CDK14: variants seen among roughly 807,000 people sequenced by gnomAD.
The protein encoded by CDK14 is cyclin-dependent kinase 14.
Under a neutral mutation model 60.7 loss-of-function variants are expected in CDK14, and 34 were observed. That is an observed-to-expected ratio of 0.56 (90% CI 0.43 to 0.75). The LOEUF is 0.75. CDK14 is among the 30% of genes least tolerant of loss of function. The probability of loss-of-function intolerance (pLI) is 0.00; values close to 1 mark genes in which losing one functional copy is unlikely to be tolerated. For synonymous variants in CDK14, 197 were observed against 203.7 expected (o/e 0.97, Z 0.28); for missense variants, 482 against 564.1 (o/e 0.85, Z 1.47).
chr7:90,649,256 C>G (rs17866088), intron 2 of CDK14, among the ~76,000 whole-genome samples: 5,976 of 45,622 alleles, frequency 0.13, 357 homozygotes, highest in South Asian at 0.19. Context: ...TTCTTTCTTT[C>G]TTTCTTTCTT....
chr7:91,143,487 C>T (rs1344652496), intron 14 of CDK14, among the ~76,000 whole-genome samples: 1 of 151,862 alleles, frequency 6.6e-6, no homozygotes, highest in Non-Finnish European at 1.5e-5. Flanking sequence ...TTTGGGAGGC[C>T]GAGGAGGGAG....
chr7:91,070,907 CAT>C (rs1168605834), intron 11 of CDK14, among the ~76,000 whole-genome samples: 2 of 151,276 alleles, frequency 1.3e-5, no homozygotes, highest in Non-Finnish European at 2.9e-5. Context: ...ATGATACTGA[CAT>C]AAATAGATAA....
At chr7:90,677,269 A>G (rs1801221237) in intron 2 of CDK14, among the ~76,000 whole-genome samples, 1 of 152,132 alleles carries the variant, frequency 6.6e-6, no homozygotes, top group South Asian at 2.1e-4. Flanking sequence ...CTGAAATACA[A>G]TTTTCTGACA....
chr7:91,038,795 A>G (rs959679422), intron 10 of CDK14, among the ~76,000 whole-genome samples: 3 of 151,750 alleles, frequency 2.0e-5, no homozygotes, highest in Non-Finnish European at 4.4e-5. Context: ...ATGACATCTG[A>G]TGGTTTAAAA....
In CDK14 at chr7:91,049,054, T is replaced by TA. The variant is rs397804822; in HGVS notation, c.1105+3096dup. Among the ~76,000 whole-genome samples, 323 of 151,130 alleles carry TA rather than the reference T, an allele frequency of 2.1e-3. 2 individuals carry two copies. The highest frequency in any genetic ancestry group is 3.5e-3 in the African/African-American group (142 of 41,100). On this transcript the variant is annotated intron_variant, in intron 11 of 14. Transcript: ENST00000380050. Reference sequence around the variant, plus strand: ...CACTATGTCTGGCTATTTTTTTTTTTAATATTTTGTAGAGATAGGGGTCTT... The same window carrying TA: ...CACTATGTCTGGCTATTTTTTTTTTTAAATATTTTGTAGAGATAGGGGTCTT...
At chr7:90,703,290 C>T (rs989781975) in intron 2 of CDK14, among the ~76,000 whole-genome samples, 1 of 152,138 alleles carries the variant, frequency 6.6e-6, no homozygotes, top group Non-Finnish European at 1.5e-5. Flanking sequence ...ACATTTGGAA[C>T]TCTGTGATAC....
chr7:90,787,062 A>C (rs1168211884), intron 4 of CDK14, among the ~76,000 whole-genome samples: 1 of 152,192 alleles, frequency 6.6e-6, no homozygotes, highest in Non-Finnish European at 1.5e-5. Flanking sequence ...ACCAGGCTTT[A>C]GAACTGAGAG....
chr7:90,626,377 G>A (rs1360154556), intron 2 of CDK14, among the ~76,000 whole-genome samples: 1 of 152,048 alleles, frequency 6.6e-6, no homozygotes, highest in Non-Finnish European at 1.5e-5. Context: ...ATTTCTGAAA[G>A]GGCTCTCTTA....
At chr7:91,069,069 C>G (rs1291725941) in intron 11 of CDK14, among the ~76,000 whole-genome samples, 2 of 152,118 alleles carry the variant, frequency 1.3e-5, no homozygotes, top group East Asian at 1.9e-4. Context: ...AGTAGTTGCT[C>G]AATACATAGT....
At chr7:90,848,309 T>G (rs1790535130) in intron 5 of CDK14, among the ~76,000 whole-genome samples, 1 of 152,108 alleles carries the variant, frequency 6.6e-6, no homozygotes, top group Non-Finnish European at 1.5e-5. Context: ...TTGGCCAGGC[T>G]TACCTCAAGT....
chr7:90,605,183 G>A (rs1799392042), intron 2 of CDK14, among the ~76,000 whole-genome samples: 1 of 152,204 alleles, frequency 6.6e-6, no homozygotes, highest in African/African-American at 2.4e-5. Flanking sequence ...CTCATGGAAA[G>A]TCCCCTTGGC....
At chr7:90,995,494 G>C (rs748830257) in intron 10 of CDK14, among the ~76,000 whole-genome samples, 5 of 152,056 alleles carry the variant, frequency 3.3e-5, no homozygotes, top group Non-Finnish European at 7.4e-5. Context: ...AAAGCCACTG[G>C]GTTTTGTAGT....
intron 4 of CDK14, among the ~76,000 whole-genome samples, chr7:90,779,420 T>A (rs1805212452): frequency 6.6e-6 from 1 of 152,226 alleles, no homozygotes; most frequent in South Asian, 2.1e-4. Context: ...GCTCAACTAT[T>A]TTTTAAATTT....
intron 10 of CDK14, among the ~76,000 whole-genome samples, chr7:91,009,156 T>A (rs1009468206): frequency 3.3e-5 from 5 of 152,210 alleles, no homozygotes; most frequent in Admixed American, 6.5e-5. Flanking sequence ...TTAGTGAGCA[T>A]AACTATTTTG....
At chr7:90,917,803 G>C in intron 8 of CDK14, 79 bp downstream of exon 8, 1 of 1,407,064 alleles carries the variant, frequency 7.1e-7, no homozygotes, top group Non-Finnish European at 9.7e-7. Context: ...CATTTGTTTA[G>C]GTGCACTTCT....
At chr7:90,933,270 A>G (rs1793651494) in intron 8 of CDK14, among the ~76,000 whole-genome samples, 1 of 145,024 alleles carries the variant, frequency 6.9e-6, no homozygotes. Context: ...ACAGAGTGAA[A>G]CCCTGTCTCA....
chr7:90,711,828 T>C (rs1802070467), intron 2 of CDK14, among the ~76,000 whole-genome samples: 1 of 151,786 alleles, frequency 6.6e-6, no homozygotes, highest in Admixed American at 6.6e-5. Flanking sequence ...TGTTGTGTAA[T>C]AGTGGTGAGT....
chr7:90,622,913 CTTTT>C (rs928149232), intron 2 of CDK14, among the ~76,000 whole-genome samples: 2 of 134,884 alleles, frequency 1.5e-5, no homozygotes, highest in African/African-American at 5.5e-5. Flanking sequence ...TGTTTTCTTT[CTTTT>C]TTTTTCTTTT....
chr7:90,873,795 T>C (rs79723316), intron 6 of CDK14, among the ~76,000 whole-genome samples: 11,290 of 152,252 alleles, frequency 0.074, 515 homozygotes, highest in Middle Eastern at 0.13. Context: ...CATAATCTAC[T>C]GATTCCTACA....
Sources: gnomAD v4.1 joint callset for allele counts (sites outside exome capture counted in the v4.1 genomes callset) on GRCh38, gnomAD v4.1.1 for gene constraint, MANE v1.5 for transcripts, NCBI Gene and HGNC (gene_info 2026-07-23, HGNC 2026-07-21) for gene names.